CAP2: variants seen among roughly 807,000 people sequenced by gnomAD.
CAP2 encodes the protein cyclase associated actin cytoskeleton regulatory protein 2, also known as adenylyl cyclase-associated protein 2.
A neutral mutation model predicts 57.7 loss-of-function variants in CAP2; 24 were observed. The ratio of observed to expected loss-of-function variants is 0.42; its 90% CI spans 0.30 to 0.58. The LOEUF (loss-of-function observed/expected upper bound fraction) is 0.58, where lower values mean the gene tolerates loss of function less well. Among genes scored for constraint, CAP2 ranks in the 20% least tolerant of loss-of-function variants. The pLI is 0.22. For missense variants in CAP2, 501 were observed against 590.3 expected (o/e 0.85, Z 1.57); for synonymous variants, 194 against 207.2 (o/e 0.94, Z 0.55).
intron 6 of CAP2, 59 bp downstream of exon 6, chr6:17,507,785 C>T: frequency 1.1e-6 from 1 of 943,430 alleles, no homozygotes; most frequent in Non-Finnish European, 1.8e-6. Context: ...ACATTTGTCC[C>T]TAAAACTCAG....
chr6:17,527,597 C>CTTTTTTT lies in CAP2; in HGVS notation c.637-11661_637-11655dup, dbSNP rs10668941. 1.8e-4 allele frequency among the ~76,000 whole-genome samples: 23 copies of CTTTTTTT among 131,198 alleles called. 1 individual carries two copies. Among genetic ancestry groups the CTTTTTTT allele is most frequent in the African/African-American group, 4.9e-4 (17 of 34,464 alleles). The allele number at this position is 131,198 out of a possible 152,430, so 86.1% of individuals were successfully genotyped here. The stretch of plus-strand genomic sequence containing the variant: ...ATTCTTTTTCATTTTTGTTCTCTTT[C>CTTTTTTT]TTTTTTTTTTTTTTTTTGAGACAAA... On this transcript the variant is annotated intron_variant, in intron 7 of 12. Transcript: ENST00000229922.
At chr6:17,423,404 T>G (rs1320335737) in intron 2 of CAP2, among the ~76,000 whole-genome samples, 3 of 152,242 alleles carry the variant, frequency 2.0e-5, no homozygotes, top group African/African-American at 7.2e-5. Context: ...ATTTTAAGCC[T>G]CTTTTTGTTA....
chr6:17,457,484 T>C (rs1475473747), intron 3 of CAP2, among the ~76,000 whole-genome samples: 3 of 152,214 alleles, frequency 2.0e-5, no homozygotes, highest in Non-Finnish European at 4.4e-5. Flanking sequence ...GGATCGGAAG[T>C]TGGAATGAAA....
chr6:17,556,694 G>GA lies in CAP2; in HGVS notation c.*252_*253insA. 2 of 427,176 alleles carry GA rather than the reference G, an allele frequency of 4.7e-6. No homozygotes were observed. The highest frequency in any genetic ancestry group is 5.1e-5 in the South Asian group (1 of 19,580). The allele number at this position is 427,176 out of a possible 1,614,324, so 26.5% of individuals were successfully genotyped here. On this transcript the variant is annotated 3_prime_UTR_variant, in exon 13 of 13. Coordinates refer to ENST00000229922, the MANE Select transcript of CAP2 (RefSeq NM_006366.3). The stretch of plus-strand genomic sequence containing the variant: ...GACTTGTGAACATTAGGGATTTAAA[G>GA]GAAAAAAAAAAAGAATTCTGTTCCC...
intron 1 of CAP2, among the ~76,000 whole-genome samples, chr6:17,403,061 T>A (rs34934038): frequency 0.22 from 33,432 of 152,170 alleles, 4,223 homozygotes; most frequent in South Asian, 0.29. Context: ...AAGAATTAAA[T>A]TGATGCTCAA....
chr6:17,442,533 T>C (rs1561785113), intron 3 of CAP2, among the ~76,000 whole-genome samples: 1 of 152,122 alleles, frequency 6.6e-6, no homozygotes, highest in Non-Finnish European at 1.5e-5. Context: ...GAGTCTCACA[T>C]GCATGATATT....
At chr6:17,466,455 T>C (rs1014764183) in intron 4 of CAP2, among the ~76,000 whole-genome samples, 3 of 152,316 alleles carry the variant, frequency 2.0e-5, no homozygotes, top group Middle Eastern at 6.8e-3. Flanking sequence ...ACACTTTGGA[T>C]CCTGTGCTGT....
At chr6:17,394,893 A>C (rs141589473) in intron 1 of CAP2, among the ~76,000 whole-genome samples, 202 of 152,366 alleles carry the variant, frequency 1.3e-3, no homozygotes, top group African/African-American at 4.5e-3. Context: ...ACAGCATGTA[A>C]TGGATAGACA....
chr6:17,495,357 G>A (rs140281598), intron 4 of CAP2, among the ~76,000 whole-genome samples: 2 of 152,240 alleles, frequency 1.3e-5, no homozygotes, highest in East Asian at 3.9e-4. Context: ...TCTCTTTACC[G>A]ATAATAGTGA....
chr6:17,426,603 C>T lies in CAP2; in HGVS notation c.135C>T (p.Ser45=), dbSNP rs756871959. The change falls in exon 3 of 13, where the codon TCC becomes TCT. Residue 45 remains serine, a synonymous_variant. Coordinates refer to ENST00000229922, the MANE Select transcript of CAP2 (RefSeq NM_006366.3). ...CCTTTCCCCAAGGTGTGGCACCCTC[C>T]GTGGAAGCCTTTGACAAGCTGATGG... ...VNGVIAGVAP[S]VEAFDKLMDS... 3.1e-6 allele frequency: 5 copies of T among 1,613,380 alleles called. No homozygotes were observed. The highest frequency in any genetic ancestry group is 2.2e-5 in the East Asian group (1 of 44,880).
chr6:17,463,465 T>C (rs1760783413), intron 4 of CAP2, among the ~76,000 whole-genome samples: 1 of 152,226 alleles, frequency 6.6e-6, no homozygotes, highest in Non-Finnish European at 1.5e-5. Context: ...TGTTTATAAC[T>C]AATTTTTAGC....
chr6:17,461,218 C>CTTTTTTTT (rs35423332), intron 3 of CAP2, among the ~76,000 whole-genome samples: 1 of 147,970 alleles, frequency 6.8e-6, no homozygotes, highest in Non-Finnish European at 1.5e-5. Context: ...TCTTTGAAAC[C>CTTTTTTTT]TTTTTTTTTT....
At chr6:17,410,683 G>T (rs190028866) in intron 1 of CAP2, among the ~76,000 whole-genome samples, 4 of 151,274 alleles carry the variant, frequency 2.6e-5, no homozygotes, top group Admixed American at 1.3e-4. Context: ...TCAACCTCCC[G>T]AGTAGCTGGG....
chr6:17,431,463 A>G (rs968921781), intron 3 of CAP2, among the ~76,000 whole-genome samples: 1 of 152,240 alleles, frequency 6.6e-6, no homozygotes, highest in South Asian at 2.1e-4. Flanking sequence ...TCTGTCCTTG[A>G]GTTCTTTGAC....
chr6:17,538,407 G>A (rs1436343846), intron 7 of CAP2, among the ~76,000 whole-genome samples: 2 of 152,028 alleles, frequency 1.3e-5, no homozygotes, highest in African/African-American at 4.8e-5. Flanking sequence ...AGTGAGCTAT[G>A]TTCACGCCAC....
In CAP2 at chr6:17,410,142, T is replaced by C. The variant is rs55862330; in HGVS notation, c.-1-11413T>C. Among the ~76,000 whole-genome samples, 1,082 of 152,340 alleles carry C rather than the reference T, an allele frequency of 7.1e-3. 12 individuals are homozygous for C. Among genetic ancestry groups the C allele is most frequent in the African/African-American group, 0.024 (1,002 of 41,574 alleles). ...TCTTTGAGACTTAATTTGGTTCTTA[T>C]CATAACTTTGGTAGCCTCTCTACTT... On this transcript the variant is annotated intron_variant, in intron 1 of 12. Coordinates refer to ENST00000229922, the MANE Select transcript of CAP2 (RefSeq NM_006366.3).
At chr6:17,529,176 T>G (rs7755827) in intron 7 of CAP2, among the ~76,000 whole-genome samples, 14,700 of 152,316 alleles carry the variant, frequency 0.097, 780 homozygotes, top group East Asian at 0.23. Flanking sequence ...TATGTGCACC[T>G]TTTTACTTGA....
chr6:17,500,322 T>C (rs1216329796), intron 4 of CAP2, among the ~76,000 whole-genome samples: 2 of 128,956 alleles, frequency 1.6e-5, no homozygotes, highest in Non-Finnish European at 3.3e-5. Flanking sequence ...TGTGTCCAAA[T>C]ATATATGTGT....
chr6:17,394,750 G>C (rs141152096), intron 1 of CAP2, among the ~76,000 whole-genome samples: 4,263 of 152,270 alleles, frequency 0.028, 77 homozygotes, highest in Non-Finnish European at 0.04. Context: ...CCCACTTAGT[G>C]TAAAATTACA....
Sources: gnomAD v4.1 joint callset for allele counts (sites outside exome capture counted in the v4.1 genomes callset) on GRCh38, gnomAD v4.1.1 for gene constraint, MANE v1.5 for transcripts, NCBI Gene and HGNC (gene_info 2026-07-23, HGNC 2026-07-21) for gene names.